Variants in RICTOR observed in about 807,000 individuals in gnomAD.
The protein encoded by RICTOR is RPTOR independent companion of MTOR complex 2.
In RICTOR, 49 loss-of-function variants were observed where a neutral mutation model predicts 214.9. The ratio of observed to expected loss-of-function variants is 0.23; its 90% CI spans 0.18 to 0.29. The LOEUF (loss-of-function observed/expected upper bound fraction) is 0.29, where lower values mean the gene tolerates loss of function less well. RICTOR is among the 10% of genes least tolerant of loss of function. The probability of loss-of-function intolerance (pLI) is 1.00; values close to 1 mark genes in which losing one functional copy is unlikely to be tolerated. For missense variants in RICTOR, 1,625 were observed against 2,047.0 expected, an observed-to-expected ratio of 0.79 and a Z score of 3.98; for synonymous variants, 717 against 711.3, an observed-to-expected ratio of 1.01 and a Z score of -0.13.
intron 2 of RICTOR, among the ~76,000 whole-genome samples, chr5:39,023,398 G>A (rs373962347): frequency 6.6e-6 from 1 of 151,418 alleles, no homozygotes; most frequent in African/African-American, 2.4e-5. Flanking sequence ...CAAAACAGAA[G>A]ACAATGAAGC....
At chr5:39,035,244 G>A (rs946909233) in intron 2 of RICTOR, among the ~76,000 whole-genome samples, 4 of 152,190 alleles carry the variant, frequency 2.6e-5, no homozygotes, top group African/African-American at 7.2e-5. Flanking sequence ...AACTCCAACA[G>A]ACCTGCAGCT....
rs112762365 is a variant in RICTOR, at chr5:38,954,762, T to G, written c.2697+12A>C. 4 of 1,470,670 alleles carry G rather than the reference T, an allele frequency of 2.7e-6. No individual in the cohort carries two copies. In the African/African-American group the frequency reaches 4.2e-5, roughly 15 times the overall value. 91.1% of individuals were successfully genotyped at this position (1,470,670 alleles called of 1,614,324 possible). A position where few individuals can be genotyped will look rare whatever the true frequency, so the allele number is the denominator to read the frequency against. ...ATTGTAGCTACTTAAAATAAGTGAA[T>G]TATGTTTTTACCTGTACTTCCAACA... On this transcript the variant is annotated intron_variant, in intron 27 of 37. Coordinates refer to ENST00000357387, the MANE Select transcript of RICTOR (RefSeq NM_152756.5).
chr5:39,001,386 AAATG>A (rs1304459130), intron 5 of RICTOR, among the ~76,000 whole-genome samples: 3 of 152,120 alleles, frequency 2.0e-5, no homozygotes, highest in African/African-American at 7.2e-5. Flanking sequence ...ATAAAGATAA[AAATG>A]AATCATGACT....
intron 5 of RICTOR, among the ~76,000 whole-genome samples, chr5:39,001,461 A>C (rs1753610921): frequency 1.3e-5 from 2 of 152,144 alleles, no homozygotes; most frequent in South Asian, 4.1e-4. Context: ...AAGATGGTTC[A>C]AAGACTTAAA....
intron 2 of RICTOR, among the ~76,000 whole-genome samples, chr5:39,059,085 A>G (rs1005297845): frequency 1.3e-5 from 2 of 152,138 alleles, no homozygotes; most frequent in African/African-American, 4.8e-5. Flanking sequence ...GACAATCCTA[A>G]AGAATCCATC....
At position 38,950,381 on chromosome 5, in the gene RICTOR, G is replaced by A; in HGVS notation, c.3467C>T (p.Thr1156Ile). 4.3e-6 allele frequency: 7 copies of A among 1,613,140 alleles called. No individual in the cohort carries two copies. Among genetic ancestry groups the A allele is most frequent in the African/African-American group, 1.3e-5 (1 of 74,954 alleles). ...CATAAATGAAGTCTCTAATTGTAATGTTTTCTGTACAGTGGATATGGGTGT... is the reference window on the plus strand; with the variant it reads ...CATAAATGAAGTCTCTAATTGTAATATTTTCTGTACAGTGGATATGGGTGT... Reference protein sequence around the residue: ...DFTPISTVQKTLQLETSFMGN... With the variant: ...DFTPISTVQKILQLETSFMGN... Residue 1156 changes from threonine to isoleucine, a missense_variant, in exon 31 of 38, where the codon ACA becomes ATA. Around this residue, in one of 5 missense-constraint regions of RICTOR, gnomAD observed 1,214 missense variants for 1,470.5 expected, o/e 0.83. Transcript: ENST00000357387.
At chr5:39,056,802 C>A (rs758524901) in intron 2 of RICTOR, among the ~76,000 whole-genome samples, 2 of 151,944 alleles carry the variant, frequency 1.3e-5, no homozygotes, top group Non-Finnish European at 2.9e-5. Context: ...GAAAAACAAT[C>A]CAGAAAGAAT....
chr5:39,008,142 G>A (rs1346056732), intron 3 of RICTOR, among the ~76,000 whole-genome samples: 1 of 151,692 alleles, frequency 6.6e-6, no homozygotes, highest in Non-Finnish European at 1.5e-5. Flanking sequence ...ATTGCTAAAT[G>A]GGGAAAAGAT....
chr5:38,944,645 T>A, intron 35 of RICTOR, 76 bp from the exon 36 acceptor site: 1 of 1,304,806 alleles, frequency 7.7e-7, no homozygotes, highest in Non-Finnish European at 1.1e-6. Flanking sequence ...AATTTATTTT[T>A]AAACTTCACC....
chr5:39,054,368 GA>G (rs1466331034), intron 2 of RICTOR, among the ~76,000 whole-genome samples: 1 of 152,100 alleles, frequency 6.6e-6, no homozygotes, highest in Non-Finnish European at 1.5e-5. Flanking sequence ...TGAATAAGGG[GA>G]AAGATTGACA....
chr5:38,953,749 A>G lies in RICTOR; in HGVS notation c.2698-196T>C, dbSNP rs181420029. Among the ~76,000 whole-genome samples the G allele has an allele frequency of 6.6e-5, 10 of 151,968 alleles. No individual in the cohort carries two copies. The East Asian group carries it at 9.7e-4, about 15-fold the overall frequency. ...AATTCACATTCTAGAATTATCACTTATTAACTGCATGGCCTTGGGCAAGTT... is the reference window on the plus strand; with the variant it reads ...AATTCACATTCTAGAATTATCACTTGTTAACTGCATGGCCTTGGGCAAGTT... On this transcript the variant is annotated intron_variant, in intron 27 of 37. Coordinates refer to ENST00000357387, the MANE Select transcript of RICTOR (RefSeq NM_152756.5).
intron 3 of RICTOR, among the ~76,000 whole-genome samples, chr5:39,006,042 T>TCTAG (rs919846296): frequency 1.1e-4 from 16 of 152,348 alleles, no homozygotes; most frequent in African/African-American, 3.4e-4. Context: ...GCTTGATGCA[T>TCTAG]CTAGGTAGGA....
rs2112827631 is a variant in RICTOR at position 38,947,208 on chromosome 5, C to A, written c.4314+56G>T. 3 of 1,267,662 alleles carry A rather than the reference C, an allele frequency of 2.4e-6. 1 individual carries two copies. The East Asian group carries it at 7.0e-5, about 30-fold the overall frequency. The allele number at this position is 1,267,662 out of a possible 1,614,324, so 78.5% of individuals were successfully genotyped here. On this transcript the variant is annotated intron_variant, in intron 32 of 37. Coordinates refer to ENST00000357387, the MANE Select transcript of RICTOR (RefSeq NM_152756.5). The stretch of plus-strand genomic sequence containing the variant: ...TATGATTTCTAGTAAGCAGTTACAG[C>A]ATATGAAAAAATAGGAAACCAACTC...
intron 20 of RICTOR, 36 bp downstream of exon 20, chr5:38,960,359 TAAA>T (rs1187854052): frequency 6.3e-7 from 1 of 1,596,800 alleles, no homozygotes; most frequent in African/African-American, 1.4e-5. Flanking sequence ...GCAAATTCAA[TAAA>T]AAACATTTGC....
chr5:39,047,530 A>T (rs1301378842), intron 2 of RICTOR, among the ~76,000 whole-genome samples: 2 of 152,134 alleles, frequency 1.3e-5, no homozygotes, highest in Non-Finnish European at 2.9e-5. Context: ...TAGTTCATGT[A>T]TTTTACTAAC....
chr5:38,943,036 T>G, intron 36 of RICTOR, 65 bp from the exon 37 acceptor site: 1 of 1,193,868 alleles, frequency 8.4e-7, no homozygotes, highest in South Asian at 1.3e-5. Flanking sequence ...TCCTCCAAGG[T>G]ATCACTTACT....
chr5:38,951,923 A>G (rs1396493349), intron 30 of RICTOR, among the ~76,000 whole-genome samples: 2 of 151,950 alleles, frequency 1.3e-5, no homozygotes, highest in Non-Finnish European at 2.9e-5. Flanking sequence ...TTTCTGTCAA[A>G]AAAAGGAGGA....
At chr5:38,974,483 T>C (rs570079752) in intron 10 of RICTOR, among the ~76,000 whole-genome samples, 14 of 152,074 alleles carry the variant, frequency 9.2e-5, no homozygotes, top group Non-Finnish European at 1.9e-4. Context: ...AATAAGGAGA[T>C]AGTAGCTAGG....
intron 2 of RICTOR, among the ~76,000 whole-genome samples, chr5:39,039,412 A>G (rs1230193911): frequency 1.3e-5 from 2 of 152,216 alleles, no homozygotes; most frequent in Non-Finnish European, 2.9e-5. Flanking sequence ...ATGGGCAAAG[A>G]CTTCATGTCT....
Sources: allele counts gnomAD v4.1 joint callset (sites outside exome capture counted in the v4.1 genomes callset), GRCh38; gene constraint gnomAD v4.1.1; regional missense constraint gnomAD v4.1.1; transcripts MANE v1.5; gene names NCBI Gene and HGNC (gene_info 2026-07-23, HGNC 2026-07-21).